Variants in CDIN1 observed in about 807,000 individuals in gnomAD.
The protein encoded by CDIN1 is CDAN1 interacting nuclease 1.
A neutral mutation model predicts 45.3 loss-of-function variants in CDIN1; 33 were observed. The observed-to-expected ratio is 0.73, with a 90% CI of 0.55 to 0.97. The LOEUF is 0.97. Ranked by LOEUF, CDIN1 falls within the 50% of genes least tolerant of loss-of-function variation. The pLI is 0.00. For missense variants in CDIN1, 303 were observed against 339.4 expected (o/e 0.89, Z 0.84); for synonymous variants, 118 against 124.4 (o/e 0.95, Z 0.34).
chr15:36,709,105 A>G, intron 8 of CDIN1, 118 bp from the exon 9 acceptor site: 1 of 749,056 alleles, frequency 1.3e-6, no homozygotes, highest in Non-Finnish European at 2.0e-6. Flanking sequence ...CATGCATAAG[A>G]AAGATATGTA....
intron 7 of CDIN1, chr15:36,696,468 A>G (rs1339938884): frequency 6.6e-6 from 1 of 152,254 alleles, no homozygotes; most frequent in Admixed American, 6.5e-5. Context: ...AGATTTACAG[A>G]ATTCTCTAAG....
intron 10 of CDIN1, among the ~76,000 whole-genome samples, chr15:36,723,777 G>A (rs1461791031): frequency 6.6e-6 from 1 of 152,174 alleles, no homozygotes; most frequent in Middle Eastern, 3.2e-3. Flanking sequence ...CCCATCAGTA[G>A]TGGCATAGAT....
intron 10 of CDIN1, among the ~76,000 whole-genome samples, chr15:36,760,439 G>A (rs77455650): frequency 0.016 from 2,445 of 152,250 alleles, 60 homozygotes; most frequent in African/African-American, 0.055. Flanking sequence ...CATTTATCCA[G>A]TTGTCTAGTA....
At chr15:36,697,599 T>C (rs2042480526) in intron 8 of CDIN1, among the ~76,000 whole-genome samples, 1 of 152,194 alleles carries the variant, frequency 6.6e-6, no homozygotes, top group African/African-American at 2.4e-5. Context: ...TTTTATAGAA[T>C]AAGTGGCTGA....
At chr15:36,702,445 A>G (rs1379050873) in intron 8 of CDIN1, among the ~76,000 whole-genome samples, 1 of 152,106 alleles carries the variant, frequency 6.6e-6, no homozygotes, top group Non-Finnish European at 1.5e-5. Flanking sequence ...TGAATTTGAG[A>G]TTCAGCTCCC....
intron 4 of CDIN1, among the ~76,000 whole-genome samples, chr15:36,656,741 T>C (rs1168811066): frequency 2.0e-5 from 3 of 152,158 alleles, no homozygotes; most frequent in African/African-American, 7.2e-5. Context: ...AGCAGCTTCG[T>C]GGAAAGCATT....
At chr15:36,633,652 C>T (rs779503976) in intron 1 of CDIN1, among the ~76,000 whole-genome samples, 8 of 152,026 alleles carry the variant, frequency 5.3e-5, no homozygotes, top group East Asian at 1.9e-4. Flanking sequence ...TATGTCCTAC[C>T]GGAAGACTCT....
In CDIN1 at chr15:36,579,924, A is replaced by G. The variant is rs1289687470; in HGVS notation, c.64A>G (p.Arg22Gly). 2 of 1,613,940 alleles carry G rather than the reference A, an allele frequency of 1.2e-6. No individual in the cohort carries two copies. Among genetic ancestry groups the G allele is most frequent in the South Asian group, 2.2e-5 (2 of 91,050 alleles). Residue 22 changes from arginine to glycine, a missense_variant, in exon 1 of 11, where the codon AGG (arginine) becomes GGG (glycine). Coordinates refer to ENST00000566621, the MANE Select transcript of CDIN1 (RefSeq NM_001321759.2). ...GTGCCTAGTGTCTGTGCCGCCTACC[A>G]GGCAGAGCCTGAGGAAGCTGAAGCA... ...AQCLVSVPPT[R>G]QSLRKLKQRF...
chr15:36,702,383 C>T (rs961089187), intron 8 of CDIN1, among the ~76,000 whole-genome samples: 1 of 152,172 alleles, frequency 6.6e-6, no homozygotes, highest in African/African-American at 2.4e-5. Context: ...ACCATAAATG[C>T]ATATGCTGCT....
At chr15:36,709,099 C>G (rs766106028) in intron 8 of CDIN1, 124 bp from the exon 9 acceptor site, 2 of 671,116 alleles carry the variant, frequency 3.0e-6, no homozygotes, top group Admixed American at 3.4e-5. Flanking sequence ...GCACTGCATG[C>G]ATAAGAAAGA....
chr15:36,636,751 A>G (rs1486912232), intron 1 of CDIN1, among the ~76,000 whole-genome samples: 1 of 152,160 alleles, frequency 6.6e-6, no homozygotes, highest in Non-Finnish European at 1.5e-5. Flanking sequence ...CAGGAAGGGG[A>G]CCTTTCAATA....
intron 1 of CDIN1, among the ~76,000 whole-genome samples, chr15:36,585,743 C>G (rs1031679796): frequency 6.6e-5 from 10 of 151,924 alleles, no homozygotes; most frequent in African/African-American, 2.4e-4. Flanking sequence ...GCTTTATAAT[C>G]AACAAATAAA....
chr15:36,714,534 A>G (rs1271887608), intron 10 of CDIN1, among the ~76,000 whole-genome samples: 2 of 152,170 alleles, frequency 1.3e-5, no homozygotes, highest in Admixed American at 6.5e-5. Context: ...TAAATAAAAT[A>G]TATTCTATTC....
At chr15:36,743,731 A>G (rs2044318485) in intron 10 of CDIN1, among the ~76,000 whole-genome samples, 1 of 152,034 alleles carries the variant, frequency 6.6e-6, no homozygotes, top group Non-Finnish European at 1.5e-5. Context: ...ATCTCTACAA[A>G]TAATAATATT....
intron 10 of CDIN1, among the ~76,000 whole-genome samples, chr15:36,781,109 CAT>C (rs1566969290): frequency 6.6e-6 from 1 of 152,138 alleles, no homozygotes; most frequent in Admixed American, 6.5e-5. Context: ...ATGTACCTCA[CAT>C]GTGGAATTTA....
In CDIN1 at chr15:36,671,653, T is replaced by A. The variant is rs114150489; in HGVS notation, c.346+13748T>A. 4.2e-3 allele frequency among the ~76,000 whole-genome samples: 644 copies of A among 152,258 alleles called. 3 individuals are homozygous for A. Among genetic ancestry groups the A allele is most frequent in the African/African-American group, 0.015 (608 of 41,546 alleles). On this transcript the variant is annotated intron_variant, in intron 5 of 10. Coordinates refer to ENST00000566621, the MANE Select transcript of CDIN1 (RefSeq NM_001321759.2). ...CAAAATCGTTACTCAGCAAACATAT[T>A]ATCCAGTTTCTTCCTTGAGCAGGCC...
chr15:36,671,012 A>G (rs1160405249), intron 5 of CDIN1, among the ~76,000 whole-genome samples: 17 of 152,158 alleles, frequency 1.1e-4, no homozygotes, highest in Admixed American at 1.1e-3. Flanking sequence ...TACCACTTTA[A>G]TAGTATCCAG....
intron 10 of CDIN1, among the ~76,000 whole-genome samples, chr15:36,720,947 C>T (rs972114437): frequency 2.6e-5 from 4 of 152,128 alleles, no homozygotes; most frequent in African/African-American, 9.7e-5. Flanking sequence ...CTGTTGTTTC[C>T]TGACTTTTTA....
intron 10 of CDIN1, among the ~76,000 whole-genome samples, chr15:36,744,426 A>C (rs748087812): frequency 1.3e-5 from 2 of 152,178 alleles, no homozygotes; most frequent in Non-Finnish European, 2.9e-5. Flanking sequence ...CCAAATTCAC[A>C]TAAACTCCTT....
Sources: gnomAD v4.1 joint callset for allele counts (sites outside exome capture counted in the v4.1 genomes callset) on GRCh38, gnomAD v4.1.1 for gene constraint, MANE v1.5 for transcripts, NCBI Gene and HGNC (gene_info 2026-07-23, HGNC 2026-07-21) for gene names.